Variants in CHRM3 observed in about 807,000 individuals in gnomAD.
The protein encoded by CHRM3 is muscarinic acetylcholine receptor M3.
CHRM3 carries 11 observed loss-of-function variants against 41.8 expected under a neutral mutation model. That is an observed-to-expected ratio of 0.26 (90% CI 0.17 to 0.44). The LOEUF (loss-of-function observed/expected upper bound fraction) is 0.44. Among genes scored for constraint, CHRM3 ranks in the 20% least tolerant of loss-of-function variants. The pLI is 1.00. For synonymous variants in CHRM3, 297 were observed against 301.4 expected (o/e 0.99, Z 0.15); for missense variants, 571 against 745.4 (o/e 0.77, Z 2.72).
At chr1:239,536,880 A>G (rs1485769617) in intron 2 of CHRM3, among the ~76,000 whole-genome samples, 2 of 152,210 alleles carry the variant, frequency 1.3e-5, no homozygotes, top group African/African-American at 4.8e-5. Context: ...ATCTAAATGT[A>G]TATTTTGCAA....
chr1:239,477,062 A>C (rs1354440150), intron 1 of CHRM3, among the ~76,000 whole-genome samples: 1 of 152,204 alleles, frequency 6.6e-6, no homozygotes, highest in East Asian at 1.9e-4. Flanking sequence ...TGCTGAGCTA[A>C]AGTAGCATAA....
chr1:239,694,912 T>C (rs1660041966), intron 5 of CHRM3, among the ~76,000 whole-genome samples: 1 of 152,224 alleles, frequency 6.6e-6, no homozygotes, highest in Admixed American at 6.5e-5. Flanking sequence ...GTCGTGTATT[T>C]ATTTTTCATT....
intron 1 of CHRM3, among the ~76,000 whole-genome samples, chr1:239,442,369 A>C (rs1455146267): frequency 6.6e-6 from 1 of 152,082 alleles, no homozygotes; most frequent in Non-Finnish European, 1.5e-5. Flanking sequence ...AGCCTCCCAA[A>C]ATGTTAGGAT....
intron 4 of CHRM3, among the ~76,000 whole-genome samples, chr1:239,649,564 A>G (rs1230959463): frequency 2.0e-5 from 3 of 152,192 alleles, no homozygotes; most frequent in Non-Finnish European, 2.9e-5. Context: ...ATTGTATGAT[A>G]GTGGCTGTGG....
intron 5 of CHRM3, among the ~76,000 whole-genome samples, chr1:239,745,320 T>C (rs12403497): frequency 0.43 from 65,098 of 151,600 alleles, 14,306 homozygotes; most frequent in Middle Eastern, 0.52. Context: ...TGAATATCCA[T>C]GGGGAGATGT....
Position 239,634,661 on chromosome 1 carries a change from A to G in CHRM3, c.-250+2375A>G, listed in dbSNP as rs192877957. Among the ~76,000 whole-genome samples the G allele has an allele frequency of 3.1e-3, 478 of 152,226 alleles. 3 individuals carry two copies. The highest frequency in any genetic ancestry group is 0.01 in the African/African-American group (429 of 41,546). ...ATTCTCCGCCTAACAATCTTCATTA[A>G]TTCACTCTTGTTGACTTGGTTCAGA... is the stretch of plus-strand genomic sequence containing the variant. On this transcript the variant is annotated intron_variant, in intron 4 of 6. Coordinates refer to ENST00000676153, the MANE Select transcript of CHRM3 (RefSeq NM_001375978.1).
intron 6 of CHRM3, among the ~76,000 whole-genome samples, chr1:239,842,966 C>CT: frequency 1.3e-5 from 2 of 152,250 alleles, no homozygotes; most frequent in South Asian, 4.2e-4. Context: ...ACATCATAGC[C>CT]TAGAGCTTTG....
At chr1:239,722,834 CTT>C (rs1370315469) in intron 5 of CHRM3, among the ~76,000 whole-genome samples, 1 of 151,790 alleles carries the variant, frequency 6.6e-6, no homozygotes, top group Non-Finnish European at 1.5e-5. Context: ...TTTCTTATAA[CTT>C]ATTTTTTTCA....
chr1:239,480,791 C>T (rs1388063331), intron 1 of CHRM3, among the ~76,000 whole-genome samples: 2 of 151,996 alleles, frequency 1.3e-5, no homozygotes, highest in Non-Finnish European at 2.9e-5. Flanking sequence ...ATCTCCTGAC[C>T]TTGTGATCTG....
chr1:239,400,041 A>T (rs774318955), intron 1 of CHRM3, among the ~76,000 whole-genome samples: 3 of 152,092 alleles, frequency 2.0e-5, no homozygotes, highest in Non-Finnish European at 4.4e-5. Flanking sequence ...CCTCCCAAGT[A>T]GCTGGGATTA....
intron 1 of CHRM3, among the ~76,000 whole-genome samples, chr1:239,420,785 T>C (rs1391940532): frequency 6.6e-6 from 1 of 152,176 alleles, no homozygotes; most frequent in Non-Finnish European, 1.5e-5. Context: ...ATCTTTTACC[T>C]CAGTATATTT....
chr1:239,880,486 A>C (rs959802851), intron 6 of CHRM3, among the ~76,000 whole-genome samples: 1 of 152,180 alleles, frequency 6.6e-6, no homozygotes, highest in Non-Finnish European at 1.5e-5. Flanking sequence ...AACTTTAGCT[A>C]TGTGGAGGTT....
At chr1:239,824,740 T>C (rs970389482) in intron 5 of CHRM3, among the ~76,000 whole-genome samples, 5 of 152,198 alleles carry the variant, frequency 3.3e-5, no homozygotes, top group Non-Finnish European at 7.3e-5. Context: ...ACTCACCAGT[T>C]ATAAAAAGTT....
intron 1 of CHRM3, among the ~76,000 whole-genome samples, chr1:239,434,654 T>C (rs1356721009): frequency 6.6e-6 from 1 of 152,182 alleles, no homozygotes; most frequent in Non-Finnish European, 1.5e-5. Context: ...ACCTACTATG[T>C]ACTAGACACT....
chr1:239,881,282 C>CAAAAAAAAAAAA (rs71567253), intron 6 of CHRM3, among the ~76,000 whole-genome samples: 1 of 33,988 alleles, frequency 2.9e-5, no homozygotes, highest in African/African-American at 1.1e-4. Context: ...GACTCCGTCT[C>CAAAAAAAAAAAA]AAAAAAAAAA....
chr1:239,705,459 C>T (rs1661064548), intron 5 of CHRM3: 1 of 152,176 alleles, frequency 6.6e-6, no homozygotes, highest in South Asian at 2.1e-4. Flanking sequence ...GTTGGCTCCT[C>T]CTGACAGCTG....
At chr1:239,816,365 A>G (rs1204526718) in intron 5 of CHRM3, among the ~76,000 whole-genome samples, 2 of 152,058 alleles carry the variant, frequency 1.3e-5, no homozygotes, top group African/African-American at 2.4e-5. Context: ...TTTTAAATCT[A>G]CGTAATCCTG....
chr1:239,909,329 T>TG lies in CHRM3; in HGVS notation c.*105_*106insG. The TG allele has an allele frequency of 8.3e-7, 1 of 1,201,246 alleles. No homozygotes were observed. The highest frequency in any genetic ancestry group is 1.6e-5 in the South Asian group (1 of 63,904). 74.4% of individuals were successfully genotyped at this position (1,201,246 alleles called of 1,614,324 possible). ...GACTTCTGGTGATGATAAAAATGGT[T>TG]TTATCACCCAGATGTGAAAGAAGCT... On this transcript the variant is annotated 3_prime_UTR_variant, in exon 7 of 7. Coordinates refer to ENST00000676153, the MANE Select transcript of CHRM3 (RefSeq NM_001375978.1).
At chr1:239,658,837 C>A (rs1040186845) in intron 4 of CHRM3, among the ~76,000 whole-genome samples, 3 of 151,882 alleles carry the variant, frequency 2.0e-5, no homozygotes, top group Non-Finnish European at 4.4e-5. Flanking sequence ...CTCCCGGGTT[C>A]AAGCGATTCT....
Sources: allele counts gnomAD v4.1 joint callset (sites outside exome capture counted in the v4.1 genomes callset), GRCh38; gene constraint gnomAD v4.1.1; transcripts MANE v1.5; gene names NCBI Gene and HGNC (gene_info 2026-07-23, HGNC 2026-07-21).